Variants in SH3YL1 observed in about 807,000 individuals in gnomAD.
SH3YL1 encodes SH3 domain-containing YSC84-like protein 1.
In SH3YL1, 41 loss-of-function variants were observed where a neutral mutation model predicts 45.8. That is an observed-to-expected ratio of 0.89 (90% CI 0.70 to 1.16). SH3YL1 has a LOEUF of 1.16. Ranked by LOEUF, SH3YL1 falls within the 50% of genes most tolerant of loss-of-function variation. The pLI, the probability that SH3YL1 is intolerant of heterozygous loss-of-function variation, is 0.00. For synonymous variants in SH3YL1, 152 were observed against 151.4 expected, an observed-to-expected ratio of 1.00 and a Z score of -0.03; for missense variants, 389 against 409.6, an observed-to-expected ratio of 0.95 and a Z score of 0.43.
chr2:233,651 C>T (rs1668158349), intron 5 of SH3YL1, among the ~76,000 whole-genome samples: 1 of 152,140 alleles, frequency 6.6e-6, no homozygotes, highest in Non-Finnish European at 1.5e-5. Context: ...GATGATTTTA[C>T]TGTGTAACTT....
chr2:224,719 G>A (rs1025317748), intron 9 of SH3YL1, 145 bp downstream of exon 9: 1 of 664,614 alleles, frequency 1.5e-6, no homozygotes, highest in African/African-American at 1.8e-5. Flanking sequence ...TCTAAATGAA[G>A]TACTTCTCAA....
intron 2 of SH3YL1, among the ~76,000 whole-genome samples, chr2:252,773 A>G (rs1426393241): frequency 6.6e-6 from 1 of 152,150 alleles, no homozygotes; most frequent in Non-Finnish European, 1.5e-5. Context: ...TGCATGAAAC[A>G]AGTTATGCTG....
At chr2:243,249 T>C (rs767777530) in intron 4 of SH3YL1, among the ~76,000 whole-genome samples, 34 of 152,132 alleles carry the variant, frequency 2.2e-4, no homozygotes, top group Admixed American at 1.8e-3. Flanking sequence ...ACATGGAACA[T>C]TGTACAGGAC....
intron 4 of SH3YL1, among the ~76,000 whole-genome samples, chr2:236,447 G>T (rs1446439163): frequency 6.6e-6 from 1 of 152,134 alleles, no homozygotes. Flanking sequence ...GGCGTCAAGT[G>T]TACCTGGGAA....
intron 5 of SH3YL1, 30 bp from the exon 6 acceptor site, chr2:233,259 G>C (rs373198195): frequency 6.6e-7 from 1 of 1,521,920 alleles, no homozygotes; most frequent in African/African-American, 1.4e-5. Context: ...GCATCACAAA[G>C]CTGTGAGCAG....
chr2:228,667 C>T (rs1572145296), intron 8 of SH3YL1, among the ~76,000 whole-genome samples: 2 of 152,254 alleles, frequency 1.3e-5, no homozygotes, highest in Middle Eastern at 6.8e-3. Context: ...GTAAATCAAT[C>T]ATCTGAACAT....
At chr2:230,316 C>A in intron 7 of SH3YL1, 2 of 271,070 alleles carry the variant, frequency 7.4e-6, no homozygotes, top group East Asian at 6.5e-5. Flanking sequence ...TAGGGAGCTG[C>A]AGGGACGGTG....
rs974125941 is a variant in SH3YL1 at position 233,333 on chromosome 2, G to A, written c.405-104C>T. The stretch of plus-strand genomic sequence containing the variant: ...TAGCTCAAATGAATTATTTTGTTCT[G>A]TACCTTCTTCAGCTGTTTCTATGTT... On this transcript the variant is annotated intron_variant, in intron 5 of 9. Transcript: ENST00000356150. 39 of 1,201,176 alleles carry A rather than the reference G, an allele frequency of 3.2e-5. No homozygotes were observed. In the Middle Eastern group the frequency reaches 6.2e-4, roughly 19 times the overall value. The allele number at this position is 1,201,176 out of a possible 1,614,324, so 74.4% of individuals were successfully genotyped here.
At chr2:252,519 G>A (rs1265204143) in intron 2 of SH3YL1, among the ~76,000 whole-genome samples, 2 of 152,170 alleles carry the variant, frequency 1.3e-5, no homozygotes, top group African/African-American at 2.4e-5. Context: ...GGTTTGCCTG[G>A]TCTGCAGCTG....
intron 9 of SH3YL1, among the ~76,000 whole-genome samples, chr2:222,142 A>G (rs1667606679): frequency 1.3e-5 from 2 of 152,316 alleles, no homozygotes; most frequent in South Asian, 4.1e-4. Flanking sequence ...TACTTAAAAA[A>G]TCGGAAGGAT....
intron 9 of SH3YL1, among the ~76,000 whole-genome samples, chr2:222,130 T>C (rs528457000): frequency 6.6e-5 from 10 of 152,294 alleles, no homozygotes; most frequent in East Asian, 3.9e-4. Context: ...CTTATACTCA[T>C]GTACTTAAAA....
intron 1 of SH3YL1, chr2:262,536 T>TA (rs1669625896): frequency 7.8e-7 from 1 of 1,281,044 alleles, no homozygotes; most frequent in East Asian, 5.6e-5. Context: ...TCTTTTAGAG[T>TA]AAAAAATGGG....
chr2:250,330 AT>A (rs1176189321), intron 2 of SH3YL1, among the ~76,000 whole-genome samples: 1 of 152,210 alleles, frequency 6.6e-6, no homozygotes, highest in Non-Finnish European at 1.5e-5. Flanking sequence ...TAATATAAAA[AT>A]TTGGATTCAA....
rs765196226 is a variant in SH3YL1 at position 230,975 on chromosome 2, A to G, written c.702+48T>C. ...ATATCAGGGACAGAATGTTCTACAG[A>G]AAGAGATTTTCTGAGAATACTGAGT... On this transcript the variant is annotated intron_variant, in intron 7 of 9. Transcript: ENST00000356150. 6 of 1,585,610 alleles carry G rather than the reference A, an allele frequency of 3.8e-6. No individual in the cohort carries two copies. The African/African-American group carries it at 8.1e-5, about 21-fold the overall frequency.
rs549264186 is a variant in SH3YL1 at position 231,061 on chromosome 2, T to C, written c.664A>G (p.Asn222Asp). 4.3e-6 allele frequency: 7 copies of C among 1,614,176 alleles called. No homozygotes were observed. The African/African-American group carries it at 8.0e-5, about 18-fold the overall frequency. Reference sequence around the variant, plus strand: ...TGCTCCCTTGCTGCTTTTCTTGCATTGATTCGTTGTCCTTCATTTTCATAC... The same window carrying C: ...TGCTCCCTTGCTGCTTTTCTTGCATCGATTCGTTGTCCTTCATTTTCATAC... ...EKYENEGQRI[N>D]ARKAAREQRK... The change falls in exon 7 of 10, where the codon AAT becomes GAT. Residue 222 changes from asparagine to aspartate, a missense_variant. Asn to Asp is a conservative substitution (Grantham distance 23, BLOSUM62 1). Transcript: ENST00000356150.
At chr2:252,170 G>A (rs1285875198) in intron 2 of SH3YL1, among the ~76,000 whole-genome samples, 2 of 152,218 alleles carry the variant, frequency 1.3e-5, no homozygotes, top group Non-Finnish European at 2.9e-5. Context: ...GATTCAGCAG[G>A]TTTGGAGTGA....
At chr2:228,907 T>G (rs1192978038) in intron 8 of SH3YL1, among the ~76,000 whole-genome samples, 1 of 152,222 alleles carries the variant, frequency 6.6e-6, no homozygotes, top group African/African-American at 2.4e-5. Context: ...TCCCGCCTTC[T>G]GCAGAGCTTT....
intron 8 of SH3YL1, among the ~76,000 whole-genome samples, chr2:227,202 G>A (rs1345412485): frequency 6.6e-6 from 1 of 152,054 alleles, no homozygotes; most frequent in Non-Finnish European, 1.5e-5. Flanking sequence ...TGAATGTTAC[G>A]GTGGGGAAAT....
intron 4 of SH3YL1, among the ~76,000 whole-genome samples, chr2:246,698 T>G (rs1435008345): frequency 6.6e-6 from 1 of 152,152 alleles, no homozygotes; most frequent in Non-Finnish European, 1.5e-5. Flanking sequence ...TTTGAAAGCT[T>G]TGATTTGGTT....
Sources: allele counts gnomAD v4.1 joint callset (sites outside exome capture counted in the v4.1 genomes callset), GRCh38; gene constraint gnomAD v4.1.1; transcripts MANE v1.5; gene names NCBI Gene and HGNC (gene_info 2026-07-23, HGNC 2026-07-21).